The following GLIS3 variants were observed in gnomAD, a reference collection of about 807,000 sequenced individuals.
The protein encoded by GLIS3 is zinc finger protein GLIS3.
A neutral mutation model predicts 78.6 loss-of-function variants in GLIS3; 53 were observed. The ratio of observed to expected loss-of-function variants is 0.67; its 90% CI spans 0.54 to 0.85. The LOEUF (loss-of-function observed/expected upper bound fraction) is 0.85, where lower values mean the gene tolerates loss of function less well. Among genes scored for constraint, GLIS3 ranks in the 40% least tolerant of loss-of-function variants. GLIS3 has a pLI of 0.00. For missense variants in GLIS3, 1,703 were observed against 1,231.1 expected (o/e 1.38, Z -5.74); for synonymous variants, 684 against 509.9 (o/e 1.34, Z -4.60).
chr9:4,230,654 T>C (rs897403063), intron 2 of GLIS3, among the ~76,000 whole-genome samples: 1 of 152,152 alleles, frequency 6.6e-6, no homozygotes, highest in African/African-American at 2.4e-5. Context: ...ATAAGCACCA[T>C]TATAATACCT....
Position 4,118,545 on chromosome 9 carries a change from G to T in GLIS3, c.933C>A (p.Gly311=). 1 of 1,614,260 alleles carries T rather than the reference G, an allele frequency of 6.2e-7. No individual in the cohort carries two copies. Among genetic ancestry groups the T allele is most frequent in the Non-Finnish European group, 8.5e-7 (1 of 1,180,036 alleles). Residue 311 remains glycine (G), a synonymous_variant, in exon 4 of 11, where the codon GGC becomes GGA. Transcript: ENST00000381971. The surrounding 1 kb of genome is among the most constrained non-coding windows in gnomAD (Gnocchi z 4.7). The stretch of plus-strand genomic sequence containing the variant: ...TGATGGTATTGAAATCTATCCCGAT[G>T]CCATCGGACAGCGGGGACAAGGACA... The part of the protein sequence containing the change: ...RALSLSPLSD[G]IGIDFNTIIR...
intron 9 of GLIS3, among the ~76,000 whole-genome samples, chr9:3,839,352 C>T (rs1818573306): frequency 6.6e-6 from 1 of 152,168 alleles, no homozygotes; most frequent in Non-Finnish European, 1.5e-5. Context: ...ACAGCAATCA[C>T]ACAATCTCCT....
intron 5 of GLIS3, among the ~76,000 whole-genome samples, chr9:3,934,410 A>AT (rs71308889): frequency 0.068 from 9,414 of 138,420 alleles, 418 homozygotes; most frequent in East Asian, 0.11. Flanking sequence ...TTTCTATTTG[A>AT]TTTTTTTTTT....
intron 4 of GLIS3, among the ~76,000 whole-genome samples, chr9:3,995,779 A>C (rs1308509325): frequency 3.3e-5 from 5 of 152,264 alleles, no homozygotes; most frequent in Admixed American, 6.5e-5. Context: ...CAAAGTGAGA[A>C]AAAAATATGA....
At chr9:4,419,043 T>G in the GLIS3 span, among the ~76,000 whole-genome samples, 8 of 152,198 alleles carry the variant, frequency 5.3e-5, no homozygotes, top group African/African-American at 1.7e-4. Context: ...ATTAAGCAAT[T>G]AGATTAAAAT....
chr9:4,188,068 T>C (rs1048092567), intron 2 of GLIS3, among the ~76,000 whole-genome samples: 28 of 152,168 alleles, frequency 1.8e-4, no homozygotes, highest in African/African-American at 6.5e-4. Flanking sequence ...CATCCCTGTC[T>C]TGTGCCAGTT....
intron 2 of GLIS3, among the ~76,000 whole-genome samples, chr9:4,140,802 C>CCT (rs113682971): frequency 0.31 from 46,543 of 148,510 alleles, 7,887 homozygotes; most frequent in East Asian, 0.61. Context: ...TTGAATTTAT[C>CCT]TTTTTTTTTT....
At chr9:3,875,668 T>C (rs369561735) in intron 8 of GLIS3, 2 of 152,200 alleles carry the variant, frequency 1.3e-5, no homozygotes, top group East Asian at 3.8e-4. Context: ...AACGCAAACC[T>C]GGTGAATAAG....
the GLIS3 span, among the ~76,000 whole-genome samples, chr9:4,369,646 C>T: frequency 6.6e-6 from 1 of 152,168 alleles, no homozygotes; most frequent in Non-Finnish European, 1.5e-5. Flanking sequence ...CCCTCCATTC[C>T]TCACATGCAC....
rs548564187 is a variant in GLIS3 at position 3,825,083 on chromosome 9, G to A, written c.*3189C>T. The stretch of plus-strand genomic sequence containing the variant: ...TATTCCCAATACTTCAAGGCAACTG[G>A]AAAGTCAAGGTTCTCAGATGAGGGA... On this transcript the variant is annotated 3_prime_UTR_variant, in exon 11 of 11. Transcript: ENST00000381971. The A allele has an allele frequency of 9.9e-4, 151 of 152,246 alleles. 1 individual carries two copies. The highest frequency in any genetic ancestry group is 3.6e-3 in the African/African-American group (149 of 41,546). 9.4% of individuals were successfully genotyped at this position (152,246 alleles called of 1,614,324 possible). A position where few individuals can be genotyped will look rare whatever the true frequency, so the allele number is the denominator to read the frequency against.
intron 4 of GLIS3, among the ~76,000 whole-genome samples, chr9:3,954,549 A>G (rs1816957739): frequency 6.6e-6 from 1 of 152,232 alleles, no homozygotes; most frequent in South Asian, 2.1e-4. Flanking sequence ...ACAGTAACTA[A>G]TGGGCTGAGA....
In GLIS3 at chr9:4,118,438, A is replaced by T; in HGVS notation, c.1040T>A (p.Val347Asp). The change falls in exon 4 of 11, where the codon GTC (valine) becomes GAC (aspartate). Residue 347 changes from valine to aspartate, a missense_variant. Coordinates refer to ENST00000381971, the MANE Select transcript of GLIS3 (RefSeq NM_001042413.2). The surrounding 1 kb of genome is among the most constrained non-coding windows in gnomAD (Gnocchi z 4.7). ...SPANLSPQPE[V>D]YGHFLGVRGS... The stretch of plus-strand genomic sequence containing the variant: ...GCGCACGCCCAGGAAATGCCCGTAG[A>T]CCTCCGGCTGCGGGGACAGGTTGGC... The T allele has an allele frequency of 6.2e-7, 1 of 1,612,160 alleles. No homozygotes were observed. Among genetic ancestry groups the T allele is most frequent in the Non-Finnish European group, 8.5e-7 (1 of 1,179,954 alleles).
At chr9:4,460,693 C>G in the GLIS3 span, among the ~76,000 whole-genome samples, 54 of 152,118 alleles carry the variant, frequency 3.5e-4, no homozygotes, top group Non-Finnish European at 6.5e-4. Context: ...AATAAGAAAT[C>G]ATTGGCAAAG....
At chr9:4,054,192 G>A (rs1825951356) in intron 4 of GLIS3, 1 of 334,000 alleles carries the variant, frequency 3.0e-6, no homozygotes, top group Admixed American at 6.5e-5. Context: ...TGGCACAGCA[G>A]GAAGCCTGTC....
intron 2 of GLIS3, chr9:4,150,942 C>G (rs1247389063): frequency 6.6e-6 from 1 of 152,136 alleles, no homozygotes; most frequent in African/African-American, 2.4e-5. Flanking sequence ...GCAAATACCT[C>G]TGAGGCAGTT....
chr9:3,856,931 T>G (rs1190771214), intron 8 of GLIS3, among the ~76,000 whole-genome samples: 4 of 152,180 alleles, frequency 2.6e-5, no homozygotes, highest in Non-Finnish European at 5.9e-5. Flanking sequence ...ACCTGGGATA[T>G]GAAATGGATG....
intron 2 of GLIS3, among the ~76,000 whole-genome samples, chr9:4,142,558 A>G (rs984795420): frequency 6.6e-6 from 1 of 152,230 alleles, no homozygotes; most frequent in African/African-American, 2.4e-5. Context: ...TAGCAAAACA[A>G]AAATAACAAA....
At chr9:4,430,118 C>A in the GLIS3 span, among the ~76,000 whole-genome samples, 1 of 152,082 alleles carries the variant, frequency 6.6e-6, no homozygotes. Flanking sequence ...AACTCTGATG[C>A]CTACAGATGT....
chr9:4,277,439 G>A (rs572923434), intron 2 of GLIS3, among the ~76,000 whole-genome samples: 2 of 152,174 alleles, frequency 1.3e-5, no homozygotes, highest in Non-Finnish European at 2.9e-5. Context: ...TTAAGTTTTT[G>A]ACTTCCCAGG....
Sources: gnomAD v4.1 joint callset for allele counts (sites outside exome capture counted in the v4.1 genomes callset) on GRCh38, gnomAD v4.1.1 for gene constraint, Gnocchi (gnomAD v3.1) non-coding constraint, MANE v1.5 for transcripts, NCBI Gene and HGNC (gene_info 2026-07-23, HGNC 2026-07-21) for gene names.